The following RBPJ variants were observed in gnomAD, a reference collection of about 807,000 sequenced individuals.
RBPJ encodes recombination signal binding protein for immunoglobulin kappa J region, also known as recombining binding protein suppressor of hairless.
RBPJ carries 9 observed loss-of-function variants against 67.8 expected under a neutral mutation model. The observed-to-expected ratio is 0.13, with a 90% CI of 0.08 to 0.23. The LOEUF (loss-of-function observed/expected upper bound fraction) is 0.23, where lower values mean the gene tolerates loss of function less well. RBPJ is among the 10% of genes least tolerant of loss of function. The pLI, the probability that RBPJ is intolerant of heterozygous loss-of-function variation, is 1.00. For synonymous variants in RBPJ, 198 were observed against 203.3 expected, an observed-to-expected ratio of 0.97 and a Z score of 0.22; for missense variants, 305 against 595.6, an observed-to-expected ratio of 0.51 and a Z score of 5.08.
intron 1 of RBPJ, among the ~76,000 whole-genome samples, chr4:26,247,708 C>G (rs1273509154): frequency 6.6e-6 from 1 of 152,140 alleles, no homozygotes; most frequent in Non-Finnish European, 1.5e-5. Flanking sequence ...CCGTACCCAG[C>G]CTTCATAATA....
At chr4:26,408,416 G>C (rs565985922) in intron 3 of RBPJ, among the ~76,000 whole-genome samples, 100 of 151,438 alleles carry the variant, frequency 6.6e-4, no homozygotes, top group African/African-American at 2.3e-3. Flanking sequence ...CCACGAAGTT[G>C]ATATTAGAAA....
At chr4:26,178,325 G>A (rs546529199) in intron 1 of RBPJ, among the ~76,000 whole-genome samples, 2 of 152,326 alleles carry the variant, frequency 1.3e-5, no homozygotes, top group Non-Finnish European at 2.9e-5. Context: ...AATGGAGGGG[G>A]CTCCAGTGCT....
At chr4:26,129,815 AT>A in the RBPJ span, among the ~76,000 whole-genome samples, 55 of 150,352 alleles carry the variant, frequency 3.7e-4, no homozygotes, top group African/African-American at 1.1e-3. Context: ...CATCACCTGA[AT>A]TTTTTTTTTA....
At chr4:26,154,642 T>C in the RBPJ span, among the ~76,000 whole-genome samples, 2 of 152,190 alleles carry the variant, frequency 1.3e-5, no homozygotes, top group African/African-American at 4.8e-5. Context: ...TATGTTATTA[T>C]AAAGGAATAT....
intron 2 of RBPJ, among the ~76,000 whole-genome samples, chr4:26,398,476 G>A (rs976669718): frequency 1.3e-5 from 2 of 152,164 alleles, no homozygotes; most frequent in Admixed American, 6.5e-5. Flanking sequence ...TCAGAACTCC[G>A]TTTTAAGGAG....
At chr4:26,320,737 G>A, upstream of RBPJ, 2 of 1,551,158 alleles carry the variant, frequency 1.3e-6, no homozygotes. Flanking sequence ...CCTAAAACCC[G>A]GATAACCGGA....
chr4:26,197,147 G>A (rs1303066405), intron 1 of RBPJ, among the ~76,000 whole-genome samples: 1 of 152,076 alleles, frequency 6.6e-6, no homozygotes, highest in South Asian at 2.1e-4. Context: ...AGTATAGCTG[G>A]ATCAAGTAAG....
chr4:26,392,564 AAAG>A (rs1731620043), intron 2 of RBPJ, among the ~76,000 whole-genome samples: 1 of 152,256 alleles, frequency 6.6e-6, no homozygotes, highest in Non-Finnish European at 1.5e-5. Flanking sequence ...TATCAGGAAA[AAAG>A]AATACGTACT....
intron 2 of RBPJ, among the ~76,000 whole-genome samples, chr4:26,387,063 A>G (rs1400755887): frequency 6.6e-6 from 1 of 151,926 alleles, no homozygotes; most frequent in Admixed American, 6.6e-5. Context: ...CTGAGATCAC[A>G]CTCTATCATT....
intron 1 of RBPJ, among the ~76,000 whole-genome samples, chr4:26,187,865 T>C (rs1229339731): frequency 6.6e-6 from 1 of 150,486 alleles, no homozygotes; most frequent in African/African-American, 2.4e-5. Context: ...CTACTAAAAA[T>C]ACAAAAAAAA....
At chr4:26,354,790 A>G (rs1021210489) in intron 1 of RBPJ, among the ~76,000 whole-genome samples, 1 of 152,198 alleles carries the variant, frequency 6.6e-6, no homozygotes, top group Non-Finnish European at 1.5e-5. Flanking sequence ...AATAATTACA[A>G]TATACAGAAA....
At chr4:26,144,889 T>G in the RBPJ span, among the ~76,000 whole-genome samples, 1 of 152,214 alleles carries the variant, frequency 6.6e-6, no homozygotes, top group African/African-American at 2.4e-5. Context: ...CTCTTTTATA[T>G]GTGTCTTCAC....
chr4:26,234,279 C>T (rs1719382683), intron 1 of RBPJ, among the ~76,000 whole-genome samples: 1 of 152,082 alleles, frequency 6.6e-6, no homozygotes, highest in South Asian at 2.1e-4. Context: ...TGACTTTAAC[C>T]AAAATATTCA....
intron 1 of RBPJ, among the ~76,000 whole-genome samples, chr4:26,275,832 A>G (rs1402183816): frequency 6.6e-6 from 1 of 151,682 alleles, no homozygotes; most frequent in Non-Finnish European, 1.5e-5. Flanking sequence ...GGGTTTCACC[A>G]TCTTGGCCGG....
At chr4:26,176,092 T>A (rs896804624) in intron 1 of RBPJ, among the ~76,000 whole-genome samples, 1 of 152,198 alleles carries the variant, frequency 6.6e-6, no homozygotes, top group Non-Finnish European at 1.5e-5. Context: ...CAACAAATAA[T>A]TTTTTAGTGT....
chr4:26,231,031 ACAT>A (rs1046264274), intron 1 of RBPJ, among the ~76,000 whole-genome samples: 3 of 152,192 alleles, frequency 2.0e-5, no homozygotes, highest in Admixed American at 6.5e-5. Context: ...GGCTCTATAA[ACAT>A]CAGCAAAAGT....
rs530128411 is a variant in RBPJ, at chr4:26,215,637, G to A, written c.-167+52023G>A. On this transcript the variant is annotated intron_variant, in intron 1 of 4. Transcript: ENST00000512351. ...GAATATTTCTGAGATTTCACAACAC[G>A]TCCTGAGATAATAGGAGAAACACTG... Among the ~76,000 whole-genome samples the A allele has an allele frequency of 1.1e-4, 16 of 152,194 alleles. No homozygotes were observed. The East Asian group carries it at 1.7e-3, about 17-fold the overall frequency.
chr4:26,248,152 G>A (rs1719989598), intron 1 of RBPJ, among the ~76,000 whole-genome samples: 1 of 152,098 alleles, frequency 6.6e-6, no homozygotes, highest in African/African-American at 2.4e-5. Flanking sequence ...TTAGCCAGGT[G>A]TGGTGGCACA....
chr4:26,244,766 A>G (rs1290661439), intron 1 of RBPJ, among the ~76,000 whole-genome samples: 2 of 151,866 alleles, frequency 1.3e-5, no homozygotes, highest in African/African-American at 4.8e-5. Flanking sequence ...CTGGGATTAC[A>G]GGCACACACC....
Sources: gnomAD v4.1 joint callset for allele counts (sites outside exome capture counted in the v4.1 genomes callset) on GRCh38, gnomAD v4.1.1 for gene constraint, MANE v1.5 for transcripts, NCBI Gene and HGNC (gene_info 2026-07-23, HGNC 2026-07-21) for gene names.